Variants in SMCHD1 observed in about 807,000 individuals in gnomAD.
The protein encoded by SMCHD1 is structural maintenance of chromosomes flexible hinge domain-containing protein 1.
Under a neutral mutation model 254.7 loss-of-function variants are expected in SMCHD1, and 78 were observed. The observed-to-expected ratio is 0.31, with a 90% CI of 0.26 to 0.37. The LOEUF is 0.37. Among genes scored for constraint, SMCHD1 ranks in the 10% least tolerant of loss-of-function variants. The pLI, the probability that SMCHD1 is intolerant of heterozygous loss-of-function variation, is 1.00. For missense variants in SMCHD1, 1,840 were observed against 2,408.1 expected, an observed-to-expected ratio of 0.76 and a Z score of 4.94; for synonymous variants, 766 against 794.9, an observed-to-expected ratio of 0.96 and a Z score of 0.61.
At chr18:2,802,090 G>A (rs947010686) in intron 47 of SMCHD1, among the ~76,000 whole-genome samples, 1 of 151,936 alleles carries the variant, frequency 6.6e-6, no homozygotes. Context: ...ATATGTCAAG[G>A]TGCTCACTGT....
In SMCHD1 at chr18:2,754,761, A is replaced by G. The variant is rs543146448; in HGVS notation, c.4346+2209A>G. ...GAAGGGCCCATCTTGCAAGCAGACA[A>G]GTGCTTCTAAGGATAGCACTTTAGG... is the stretch of plus-strand genomic sequence containing the variant. On this transcript the variant is annotated intron_variant, in intron 34 of 47. Coordinates refer to ENST00000320876, the MANE Select transcript of SMCHD1 (RefSeq NM_015295.3). Among the ~76,000 whole-genome samples the G allele has an allele frequency of 7.6e-4, 115 of 152,236 alleles. 1 individual carries two copies. The South Asian group carries it at 0.018, about 24-fold the overall frequency.
At chr18:2,670,405 T>C (rs991730828) in intron 3 of SMCHD1, among the ~76,000 whole-genome samples, 1 of 152,220 alleles carries the variant, frequency 6.6e-6, no homozygotes. Flanking sequence ...TCTGTGTCTT[T>C]ACTGTTACTT....
intron 25 of SMCHD1, among the ~76,000 whole-genome samples, chr18:2,733,791 CT>C (rs1365854743): frequency 6.6e-6 from 1 of 152,156 alleles, no homozygotes; most frequent in Non-Finnish European, 1.5e-5. Flanking sequence ...ACTTACTGTA[CT>C]TTTTTCCCTT....
In SMCHD1 at chr18:2,692,015, C is replaced by G. The variant is rs578058009; in HGVS notation, c.874-2512C>G. ...TTTAAAAAACTTCAGGAAATAGCCT[C>G]TGCTTCATTTTTGGCATCCACATTT... is the stretch of plus-strand genomic sequence containing the variant. On this transcript the variant is annotated intron_variant, in intron 7 of 47. Coordinates refer to ENST00000320876, the MANE Select transcript of SMCHD1 (RefSeq NM_015295.3). The G allele has an allele frequency of 2.0e-5, 3 of 152,384 alleles. No homozygotes were observed. The South Asian group carries it at 6.2e-4, about 32-fold the overall frequency. The allele number at this position is 152,384 out of a possible 1,614,324, so 9.4% of individuals were successfully genotyped here.
intron 34 of SMCHD1, among the ~76,000 whole-genome samples, chr18:2,756,003 A>G (rs2143653840): frequency 6.6e-6 from 1 of 152,296 alleles, no homozygotes; most frequent in East Asian, 1.9e-4. Context: ...ACTAAGTGTG[A>G]TGTTTGCTTT....
intron 30 of SMCHD1, among the ~76,000 whole-genome samples, chr18:2,748,390 A>ATTTTTTTTT (rs67175512): frequency 3.2e-5 from 3 of 92,700 alleles, no homozygotes; most frequent in African/African-American, 9.9e-5. Context: ...GTGTATATAA[A>ATTTTTTTTT]TTTTTTTTTT....
intron 5 of SMCHD1, 103 bp from the exon 6 acceptor site, chr18:2,688,290 TG>T: frequency 1.3e-6 from 1 of 757,478 alleles, no homozygotes; most frequent in Non-Finnish European, 2.3e-6. Context: ...TAGGGGTGTT[TG>T]CAGGCGTGAT....
chr18:2,753,519 A>G (rs940284168), intron 34 of SMCHD1, among the ~76,000 whole-genome samples: 1 of 152,150 alleles, frequency 6.6e-6, no homozygotes, highest in African/African-American at 2.4e-5. Flanking sequence ...TATAGATGTT[A>G]AACATAGATG....
chr18:2,706,740 C>A (rs889917892), intron 15 of SMCHD1, among the ~76,000 whole-genome samples: 1 of 152,160 alleles, frequency 6.6e-6, no homozygotes, highest in Non-Finnish European at 1.5e-5. Flanking sequence ...TAAAAAAACT[C>A]AGTTTGGCCT....
Position 2,796,407 on chromosome 18 carries a change from G to T in SMCHD1, c.5879G>T (p.Gly1960Val). Residue 1960 changes from glycine to valine, a missense_variant and splice_region_variant, in exon 47 of 48, where the codon GGT (glycine) becomes GTT (valine). This residue lies in a region of SMCHD1 where 132 missense variants were observed against 138.2 expected (regional missense o/e 0.95). Coordinates refer to ENST00000320876, the MANE Select transcript of SMCHD1 (RefSeq NM_015295.3). ...CTTTCTACATTTTCCATCTTCACAG[G>T]TATGACTCCCATACGTAAGTGTAAT... ...KNLKLIEEKLGMTPIRKCNDS... is the reference protein window; with the variant it reads ...KNLKLIEEKLVMTPIRKCNDS... The T allele has an allele frequency of 1.3e-6, 2 of 1,564,294 alleles. No homozygotes were observed. The highest frequency in any genetic ancestry group is 8.7e-7 in the Non-Finnish European group (1 of 1,150,254).
intron 24 of SMCHD1, among the ~76,000 whole-genome samples, chr18:2,730,014 A>G (rs2075106240): frequency 6.6e-6 from 1 of 152,010 alleles, no homozygotes; most frequent in Non-Finnish European, 1.5e-5. Context: ...GTGCCCAGCC[A>G]TTTTGCTTTT....
At chr18:2,775,674 T>A in intron 41 of SMCHD1, 60 bp from the exon 42 acceptor site, 17 of 1,407,510 alleles carry the variant, frequency 1.2e-5, no homozygotes, top group East Asian at 2.7e-5. Context: ...GCTTTTAACA[T>A]AATATCAAAT....
At chr18:2,748,340 A>G (rs2075497509) in intron 30 of SMCHD1, among the ~76,000 whole-genome samples, 1 of 117,726 alleles carries the variant, frequency 8.5e-6, no homozygotes, top group Admixed American at 8.6e-5. Context: ...GTCTTTGCAA[A>G]GTTGTGTGTG....
At chr18:2,673,985 C>T (rs755633530) in intron 4 of SMCHD1, 30 bp from the exon 5 acceptor site, 2 of 1,545,788 alleles carry the variant, frequency 1.3e-6, no homozygotes, top group East Asian at 2.3e-5. Context: ...TTGACTTTTC[C>T]TGTCTTTTTG....
chr18:2,693,431 A>G (rs1181250014), intron 7 of SMCHD1, among the ~76,000 whole-genome samples: 1 of 152,216 alleles, frequency 6.6e-6, no homozygotes, highest in East Asian at 1.9e-4. Context: ...ACAAATTTGT[A>G]CAGCTTGTTA....
At chr18:2,765,384 G>T (rs527521217) in intron 37 of SMCHD1, among the ~76,000 whole-genome samples, 1 of 151,888 alleles carries the variant, frequency 6.6e-6, no homozygotes. Context: ...ACCTTTTCTT[G>T]TATTTTTGTT....
chr18:2,772,132 A>AC, intron 40 of SMCHD1, 118 bp from the exon 41 acceptor site: 1 of 801,832 alleles, frequency 1.2e-6, no homozygotes, highest in Non-Finnish European at 1.7e-6. Flanking sequence ...AATAATGCCT[A>AC]CTTACCAACT....
intron 34 of SMCHD1, among the ~76,000 whole-genome samples, chr18:2,754,249 T>C (rs961744674): frequency 3.3e-5 from 5 of 152,252 alleles, no homozygotes; most frequent in Admixed American, 6.5e-5. Flanking sequence ...TCAACACATT[T>C]TACTATATTA....
intron 27 of SMCHD1, 38 bp from the exon 28 acceptor site, chr18:2,740,665 A>G: frequency 8.6e-7 from 1 of 1,157,920 alleles, no homozygotes; most frequent in Non-Finnish European, 1.3e-6. Context: ...ATCTTCTATT[A>G]AAAGATAATA....
Sources: gnomAD v4.1 joint callset for allele counts (sites outside exome capture counted in the v4.1 genomes callset) on GRCh38, gnomAD v4.1.1 for gene constraint, gnomAD v4.1.1 regional missense constraint, MANE v1.5 for transcripts, NCBI Gene and HGNC (gene_info 2026-07-23, HGNC 2026-07-21) for gene names.